ACP6: variants seen among roughly 807,000 people sequenced by gnomAD.
The protein encoded by ACP6 is acid phosphatase 6, lysophosphatidic, also known as lysophosphatidic acid phosphatase type 6.
A neutral mutation model predicts 48.1 loss-of-function variants in ACP6; 48 were observed. The ratio of observed to expected loss-of-function variants is 1.00; its 90% confidence interval spans 0.79 to 1.27. The LOEUF (loss-of-function observed/expected upper bound fraction) is 1.27, where lower values mean the gene tolerates loss of function less well. ACP6 is among the 50% of genes most tolerant of loss of function. The probability of loss-of-function intolerance (pLI) is 0.00; values close to 1 mark genes in which losing one functional copy is unlikely to be tolerated. For missense variants in ACP6, 485 were observed against 529.1 expected, an observed-to-expected ratio of 0.92 and a Z score of 0.82; for synonymous variants, 172 against 204.2, an observed-to-expected ratio of 0.84 and a Z score of 1.34.
chr1:147,657,286 A>C (rs1367016235), intron 4 of ACP6, among the ~76,000 whole-genome samples: 2 of 152,200 alleles, frequency 1.3e-5, no homozygotes, highest in African/African-American at 4.8e-5. Flanking sequence ...GCAGACCAAC[A>C]ATCTCCAGCT....
At chr1:147,665,054 T>C (rs587694056) in intron 1 of ACP6, among the ~76,000 whole-genome samples, 1 of 152,350 alleles carries the variant, frequency 6.6e-6, no homozygotes, top group Admixed American at 6.5e-5. Flanking sequence ...GGGAATGGTT[T>C]TCCAATTTTT....
rs1416877629 is a variant in ACP6 at position 147,642,277 on chromosome 1, G to A, written c.*5146C>T. The A allele has an allele frequency of 6.6e-6, 1 of 152,180 alleles. No homozygotes were observed. The highest frequency in any genetic ancestry group is 1.5e-5 in the Non-Finnish European group (1 of 68,040). 9.4% of individuals were successfully genotyped at this position (152,180 alleles called of 1,614,324 possible). A position where few individuals can be genotyped will look rare whatever the true frequency, so the allele number is the denominator to read the frequency against. ...TTTATTCATTCGGTAAATCTTTGCT[G>A]AGGTCCACTTTGTACAGTCTCTGCA... On this transcript the variant is annotated 3_prime_UTR_variant, in exon 10 of 10. Coordinates refer to ENST00000583509, the MANE Select transcript of ACP6 (RefSeq NM_016361.5).
chr1:147,632,473 T>C (rs587619111), intron 5 of ACP6, among the ~76,000 whole-genome samples: 73 of 152,082 alleles, frequency 4.8e-4, no homozygotes, highest in African/African-American at 1.6e-3. Context: ...GTGGACCCTA[T>C]AATGAGGCTG....
At chr1:147,659,063 A>G in intron 3 of ACP6, 24 bp from the exon 4 acceptor site, 1 of 1,588,656 alleles carries the variant, frequency 6.3e-7, no homozygotes, top group Non-Finnish European at 8.6e-7. Flanking sequence ...GAAAATAGTG[A>G]CACTCATAAA....
At chr1:147,660,185 C>A (rs1660475930) in intron 1 of ACP6, among the ~76,000 whole-genome samples, 1 of 152,176 alleles carries the variant, frequency 6.6e-6, no homozygotes, top group Non-Finnish European at 1.5e-5. Flanking sequence ...TGCCCTATCC[C>A]AGCTTAAGGA....
At chr1:147,630,007 T>C (rs1659120597) in exon 6 of ACP6, 1 of 152,170 alleles carries the variant, frequency 6.6e-6, no homozygotes, top group African/African-American at 2.4e-5. Flanking sequence ...CCAGAAATTA[T>C]TTCCTCACAC....
At chr1:147,661,845 T>C (rs1660562531) in intron 1 of ACP6, among the ~76,000 whole-genome samples, 1 of 152,192 alleles carries the variant, frequency 6.6e-6, no homozygotes, top group Non-Finnish European at 1.5e-5. Context: ...AAACAGCCTA[T>C]ATAGGAAGAA....
downstream of ACP6, among the ~76,000 whole-genome samples, chr1:147,639,717 A>G (rs1284857137): frequency 6.6e-6 from 1 of 152,106 alleles, no homozygotes; most frequent in East Asian, 1.9e-4. Context: ...ATTTCCTTCC[A>G]AATTAATTCT....
chr1:147,662,609 C>T (rs1553212983), intron 1 of ACP6, among the ~76,000 whole-genome samples: 1 of 152,234 alleles, frequency 6.6e-6, no homozygotes, highest in African/African-American at 2.4e-5. Flanking sequence ...TTGCTGCAAT[C>T]TCATGATAAA....
chr1:147,640,063 C>G (rs1659408505), downstream of ACP6, among the ~76,000 whole-genome samples: 1 of 152,118 alleles, frequency 6.6e-6, no homozygotes, highest in Admixed American at 6.5e-5. Context: ...GCCCCAAATA[C>G]AAGAAGATGC....
At chr1:147,660,740 C>T (rs1660505647) in intron 1 of ACP6, among the ~76,000 whole-genome samples, 1 of 152,094 alleles carries the variant, frequency 6.6e-6, no homozygotes, top group Non-Finnish European at 1.5e-5. Context: ...ATTTTTATTG[C>T]ATTTAAATAT....
At chr1:147,634,600 C>T (rs1472414651) in intron 5 of ACP6, among the ~76,000 whole-genome samples, 2 of 152,148 alleles carry the variant, frequency 1.3e-5, no homozygotes, top group African/African-American at 2.4e-5. Context: ...TTTAGAGTGA[C>T]ATCAATTCAG....
In ACP6 at chr1:147,645,410, T is replaced by A. The variant is rs1437739594; in HGVS notation, c.*2013A>T. The A allele has an allele frequency of 1.3e-5, 2 of 151,972 alleles. No homozygotes were observed. Among genetic ancestry groups the A allele is most frequent in the African/African-American group, 4.8e-5 (2 of 41,334 alleles). The allele number at this position is 151,972 out of a possible 1,614,324, so 9.4% of individuals were successfully genotyped here. A position where few individuals can be genotyped will look rare whatever the true frequency, so the allele number is the denominator to read the frequency against. On this transcript the variant is annotated 3_prime_UTR_variant, in exon 10 of 10. Coordinates refer to ENST00000583509, the MANE Select transcript of ACP6 (RefSeq NM_016361.5). ...GGCCTCAAACTGGAAATTCTTGAGA[T>A]CACCTAGTGGGTGAGTGTAGGGGAA...
downstream of ACP6, among the ~76,000 whole-genome samples, chr1:147,638,803 T>C (rs1659368211): frequency 6.6e-6 from 1 of 152,188 alleles, no homozygotes; most frequent in Non-Finnish European, 1.5e-5. Context: ...CTCCAAACCA[T>C]TACCTTCCAG....
At chr1:147,635,786 T>A (rs1342684091) in intron 5 of ACP6, among the ~76,000 whole-genome samples, 1 of 152,168 alleles carries the variant, frequency 6.6e-6, no homozygotes, top group Non-Finnish European at 1.5e-5. Context: ...GGCCAAGAAC[T>A]CAGTCATGAG....
intron 4 of ACP6, 115 bp from the exon 5 acceptor site, chr1:147,655,363 G>T: frequency 2.6e-6 from 2 of 778,946 alleles, no homozygotes; most frequent in Non-Finnish European, 4.2e-6. Flanking sequence ...CTGAGAGGCA[G>T]ATCATCAAGG....
intron 1 of ACP6, among the ~76,000 whole-genome samples, chr1:147,661,706 C>T (rs1471538100): frequency 2.0e-5 from 3 of 152,120 alleles, no homozygotes; most frequent in Non-Finnish European, 4.4e-5. Context: ...CCTCTTGCAC[C>T]AAACAGCCAA....
At chr1:147,635,105 G>T (rs587748168) in intron 5 of ACP6, among the ~76,000 whole-genome samples, 1 of 152,084 alleles carries the variant, frequency 6.6e-6, no homozygotes, top group Admixed American at 6.5e-5. Context: ...TCATTTTATG[G>T]GTTTTAAAAA....
At chr1:147,636,558 G>A (rs782466033) in intron 5 of ACP6, among the ~76,000 whole-genome samples, 8 of 152,196 alleles carry the variant, frequency 5.3e-5, no homozygotes, top group Non-Finnish European at 1.2e-4. Context: ...TGATCCTCAG[G>A]TCAAAGGTGA....
Sources: gnomAD v4.1 joint callset for allele counts (sites outside exome capture counted in the v4.1 genomes callset) on GRCh38, gnomAD v4.1.1 for gene constraint, MANE v1.5 for transcripts, NCBI Gene and HGNC (gene_info 2026-07-23, HGNC 2026-07-21) for gene names.